Variants in DTNB observed in about 807,000 individuals in gnomAD.
DTNB encodes the protein DTN-B.
DTNB carries 63 observed loss-of-function variants against 90.7 expected under a neutral mutation model. The observed-to-expected ratio is 0.69, with a 90% CI of 0.57 to 0.86. DTNB has a LOEUF of 0.86. Among genes scored for constraint, DTNB ranks in the 40% least tolerant of loss-of-function variants. The pLI, the probability that DTNB is intolerant of heterozygous loss-of-function variation, is 0.00. For missense variants in DTNB, 744 were observed against 807.1 expected, an observed-to-expected ratio of 0.92 and a Z score of 0.95; for synonymous variants, 277 against 286.7, an observed-to-expected ratio of 0.97 and a Z score of 0.34.
chr2:25,432,700 T>C (rs1289261039), intron 14 of DTNB, among the ~76,000 whole-genome samples, 186 bp downstream of exon 14: 1 of 152,184 alleles, frequency 6.6e-6, no homozygotes, highest in Non-Finnish European at 1.5e-5. Context: ...GCTGACATTC[T>C]TAGAGTGATC....
At chr2:25,655,072 A>G (rs974676093) in intron 1 of DTNB, among the ~76,000 whole-genome samples, 1 of 152,246 alleles carries the variant, frequency 6.6e-6, no homozygotes, top group Non-Finnish European at 1.5e-5. Flanking sequence ...GGCTACGCTA[A>G]GGTCTAACTG....
At chr2:25,478,517 C>CTCT (rs745377535) in intron 10 of DTNB, among the ~76,000 whole-genome samples, 1 of 151,940 alleles carries the variant, frequency 6.6e-6, no homozygotes, top group Non-Finnish European at 1.5e-5. Context: ...GGATCTCTCT[C>CTCT]TCTTCTTCTT....
intron 9 of DTNB, among the ~76,000 whole-genome samples, chr2:25,490,195 G>A (rs1260485999): frequency 6.6e-6 from 1 of 152,062 alleles, no homozygotes; most frequent in Non-Finnish European, 1.5e-5. Flanking sequence ...AGGACTGCTT[G>A]AGCCTAGGAG....
chr2:25,540,707 T>C (rs917872550), intron 8 of DTNB, among the ~76,000 whole-genome samples: 5 of 152,162 alleles, frequency 3.3e-5, no homozygotes, highest in African/African-American at 1.2e-4. Context: ...AGAAAAATTC[T>C]TCTGCCTTGG....
At position 25,548,744 on chromosome 2, in the gene DTNB, C is replaced by T. The variant is rs551423436; in HGVS notation, c.877-17147G>A. ...CTTTTACCCTGAATGAGGTGACAAG[C>T]TCTTGGAGTGCATCCAGCAGATAAG... On this transcript the variant is annotated intron_variant, in intron 8 of 20. Coordinates refer to ENST00000406818, the MANE Select transcript of DTNB (RefSeq NM_021907.5). 2.6e-5 allele frequency among the ~76,000 whole-genome samples: 4 copies of T among 152,254 alleles called. No homozygotes were observed. In the East Asian group the frequency reaches 7.7e-4, roughly 29 times the overall value.
intron 8 of DTNB, among the ~76,000 whole-genome samples, chr2:25,537,030 C>T (rs1314407433): frequency 2.0e-5 from 3 of 152,110 alleles, no homozygotes; most frequent in Non-Finnish European, 2.9e-5. Flanking sequence ...CATGAGCCAC[C>T]GTGCCTGGCC....
Position 25,655,857 on chromosome 2 carries a change from T to C in DTNB, c.-1-3196A>G, listed in dbSNP as rs559019280. 2.3e-4 allele frequency among the ~76,000 whole-genome samples: 35 copies of C among 152,236 alleles called. No homozygotes were observed. In the South Asian group the frequency reaches 6.9e-3, roughly 30 times the overall value. On this transcript the variant is annotated intron_variant, in intron 1 of 20. Coordinates refer to ENST00000406818, the MANE Select transcript of DTNB (RefSeq NM_021907.5). ...GACATACACGCCTGTCAGGTAGATC[T>C]ACCACCTCCTGAAAACAATCTTAAC...
In DTNB at chr2:25,422,687, C is replaced by T. The variant is rs535166229; in HGVS notation, c.1555-3152G>A. Among the ~76,000 whole-genome samples the T allele has an allele frequency of 5.9e-5, 9 of 152,076 alleles. No individual in the cohort carries two copies. In the South Asian group the frequency reaches 1.9e-3, roughly 32 times the overall value. On this transcript the variant is annotated intron_variant, in intron 15 of 20. Transcript: ENST00000406818. ...TGTTGGGATTATAGGCATGAGCCAC[C>T]ACGCCTGGCCTGGTAAAATGAGTTT...
At chr2:25,642,225 G>C (rs2078493826) in intron 2 of DTNB, among the ~76,000 whole-genome samples, 3 of 152,170 alleles carry the variant, frequency 2.0e-5, no homozygotes, top group Admixed American at 2.0e-4. Flanking sequence ...ATGTGTGTGT[G>C]TTGATAGGAG....
chr2:25,611,148 G>A (rs2068517195), intron 4 of DTNB, among the ~76,000 whole-genome samples: 1 of 152,132 alleles, frequency 6.6e-6, no homozygotes, highest in Non-Finnish European at 1.5e-5. Flanking sequence ...GATTTTTTAT[G>A]TTGTTACATA....
At chr2:25,495,323 C>G (rs916109417) in intron 9 of DTNB, among the ~76,000 whole-genome samples, 9 of 152,202 alleles carry the variant, frequency 5.9e-5, no homozygotes, top group Admixed American at 2.6e-4. Flanking sequence ...GCTTTGGCCT[C>G]CCAAAGTGCT....
At chr2:25,472,259 T>G (rs2062952518) in intron 10 of DTNB, among the ~76,000 whole-genome samples, 1 of 152,124 alleles carries the variant, frequency 6.6e-6, no homozygotes, top group African/African-American at 2.4e-5. Flanking sequence ...TTTTAGGGTG[T>G]TACGGAAGGC....
chr2:25,656,106 T>A (rs969999945), intron 1 of DTNB, among the ~76,000 whole-genome samples: 4 of 152,144 alleles, frequency 2.6e-5, no homozygotes, highest in Non-Finnish European at 5.9e-5. Flanking sequence ...AAGGATAACC[T>A]CCAAAATAAA....
chr2:25,569,424 T>C (rs577900888), intron 8 of DTNB, among the ~76,000 whole-genome samples: 6 of 152,332 alleles, frequency 3.9e-5, no homozygotes, highest in African/African-American at 1.2e-4. Context: ...TCCACTCTCT[T>C]ATTTCCAGGT....
intron 12 of DTNB, among the ~76,000 whole-genome samples, chr2:25,448,589 T>A (rs1434871379): frequency 6.6e-6 from 1 of 152,142 alleles, no homozygotes; most frequent in African/African-American, 2.4e-5. Context: ...GCGCGGTGGC[T>A]CACGCCTGTA....
chr2:25,490,915 G>A (rs2067259160), intron 9 of DTNB, among the ~76,000 whole-genome samples: 1 of 152,002 alleles, frequency 6.6e-6, no homozygotes, highest in African/African-American at 2.4e-5. Context: ...GAAACATCTG[G>A]AGGCAATATG....
chr2:25,565,570 T>G (rs2058902714), intron 8 of DTNB, among the ~76,000 whole-genome samples: 1 of 152,102 alleles, frequency 6.6e-6, no homozygotes, highest in African/African-American at 2.4e-5. Flanking sequence ...TAGATGTCCT[T>G]TTTCAGGTTG....
intron 16 of DTNB, among the ~76,000 whole-genome samples, chr2:25,414,362 T>C (rs2047364201): frequency 6.6e-6 from 1 of 152,184 alleles, no homozygotes; most frequent in Non-Finnish European, 1.5e-5. Context: ...GTTCACGCCA[T>C]TCTCCTGCCT....
chr2:25,556,991 T>C (rs548558530), intron 8 of DTNB, among the ~76,000 whole-genome samples: 1 of 152,284 alleles, frequency 6.6e-6, no homozygotes, highest in African/African-American at 2.4e-5. Context: ...AAAACTTTCA[T>C]GTGTTATAAG....
Sources: allele counts gnomAD v4.1 joint callset (sites outside exome capture counted in the v4.1 genomes callset), GRCh38; gene constraint gnomAD v4.1.1; transcripts MANE v1.5; gene names NCBI Gene and HGNC (gene_info 2026-07-23, HGNC 2026-07-21).